MAP3K2: variants seen among roughly 807,000 people sequenced by gnomAD.
MAP3K2 encodes the protein mitogen-activated protein kinase kinase kinase 2.
Under a neutral mutation model 80.3 loss-of-function variants are expected in MAP3K2, and 24 were observed. The observed-to-expected ratio is 0.30, with a 90% CI of 0.22 to 0.42. The LOEUF is 0.42. MAP3K2 is among the 10% of genes least tolerant of loss of function. The pLI, the probability that MAP3K2 is intolerant of heterozygous loss-of-function variation, is 1.00. For missense variants in MAP3K2, 608 were observed against 750.1 expected (o/e 0.81, Z 2.21); for synonymous variants, 244 against 253.7 (o/e 0.96, Z 0.36).
chr2:127,320,399 A>G (rs1442417344), intron 12 of MAP3K2, among the ~76,000 whole-genome samples: 1 of 152,168 alleles, frequency 6.6e-6, no homozygotes, highest in African/African-American at 2.4e-5. Context: ...GGAAAGAATC[A>G]GTGAACCTGA....
At chr2:127,352,738 T>TCTGATGC (rs1270795646) in intron 1 of MAP3K2, among the ~76,000 whole-genome samples, 28 of 143,862 alleles carry the variant, frequency 1.9e-4, no homozygotes, top group Non-Finnish European at 2.3e-4. Context: ...ACGGTCTCCC[T>TCTGATGC]CTGATGCCGA....
At chr2:127,382,112 G>C (rs1205647565) in intron 1 of MAP3K2, among the ~76,000 whole-genome samples, 1 of 152,118 alleles carries the variant, frequency 6.6e-6, no homozygotes, top group Non-Finnish European at 1.5e-5. Flanking sequence ...GATTTGGTGG[G>C]GATGGGTGTA....
At position 127,305,789 on chromosome 2, in the gene MAP3K2, A is replaced by G. The variant is rs539528790; in HGVS notation, c.*1790T>C. 2.6e-5 allele frequency: 4 copies of G among 152,262 alleles called. No individual in the cohort carries two copies. The highest frequency in any genetic ancestry group is 9.6e-5 in the African/African-American group (4 of 41,570). 9.4% of individuals were successfully genotyped at this position (152,262 alleles called of 1,614,324 possible). ...TATCTTCATGTTTTATAGTAGCACA[A>G]TTCTATTAGAGATAGTGGGGCCTTT... On this transcript the variant is annotated 3_prime_UTR_variant, in exon 17 of 17. Coordinates refer to ENST00000682094, the MANE Select transcript of MAP3K2 (RefSeq NM_001371910.2).
At position 127,339,152 on chromosome 2, in the gene MAP3K2, G is replaced by C. The variant is rs1477277611; in HGVS notation, c.5-102C>G. The C allele has an allele frequency of 2.8e-6, 2 of 706,490 alleles. No homozygotes were observed. Among genetic ancestry groups the C allele is most frequent in the Non-Finnish European group, 4.7e-6 (2 of 422,994 alleles). The allele number at this position is 706,490 out of a possible 1,614,324, so 43.8% of individuals were successfully genotyped here. A position where few individuals can be genotyped will look rare whatever the true frequency, so the allele number is the denominator to read the frequency against. ...AAAATTTAAAATAAAATTTGATGTAGAGAATGTATTAATGCAAAAATGCAT... is the reference window on the plus strand; with the variant it reads ...AAAATTTAAAATAAAATTTGATGTACAGAATGTATTAATGCAAAAATGCAT... On this transcript the variant is annotated intron_variant, in intron 2 of 16. Coordinates refer to ENST00000682094, the MANE Select transcript of MAP3K2 (RefSeq NM_001371910.2). This position sits in a 1 kb window ranked among gnomAD's most constrained non-coding sequence, Gnocchi z 4.2.
chr2:127,351,312 C>T (rs1385011453), intron 1 of MAP3K2, among the ~76,000 whole-genome samples: 2 of 152,018 alleles, frequency 1.3e-5, no homozygotes, highest in East Asian at 1.9e-4. Context: ...TTATTGATAG[C>T]AATTACAAAC....
intron 1 of MAP3K2, among the ~76,000 whole-genome samples, chr2:127,378,360 A>C (rs1687184746): frequency 6.6e-6 from 1 of 152,224 alleles, no homozygotes; most frequent in East Asian, 1.9e-4. Context: ...AACATCCTTA[A>C]CAAACTAATT....
intron 1 of MAP3K2, among the ~76,000 whole-genome samples, chr2:127,366,430 A>G (rs190947194): frequency 1.5e-3 from 230 of 151,942 alleles, no homozygotes; most frequent in African/African-American, 5.5e-3. Flanking sequence ...AAGAATACTC[A>G]GAGGATACGT....
chr2:127,341,771 A>T lies in MAP3K2; in HGVS notation c.4+1355T>A, dbSNP rs542730026. ...ATGGTCTCAATCTCCTGACCTCGTG[A>T]TCCACCCGACTCGGCCTCCCAAAGT... On this transcript the variant is annotated intron_variant, in intron 2 of 16. Coordinates refer to ENST00000682094, the MANE Select transcript of MAP3K2 (RefSeq NM_001371910.2). 8.6e-5 allele frequency among the ~76,000 whole-genome samples: 13 copies of T among 151,880 alleles called. No individual in the cohort carries two copies. The East Asian group carries it at 2.5e-3, about 30-fold the overall frequency.
intron 1 of MAP3K2, among the ~76,000 whole-genome samples, chr2:127,387,169 G>A (rs1160763477): frequency 1.3e-5 from 2 of 152,120 alleles, no homozygotes; most frequent in African/African-American, 2.4e-5. Context: ...CCCAAGACCA[G>A]ATGCAACCTT....
At chr2:127,359,944 G>A (rs886163976) in intron 1 of MAP3K2, among the ~76,000 whole-genome samples, 2 of 152,096 alleles carry the variant, frequency 1.3e-5, no homozygotes, top group African/African-American at 4.8e-5. Flanking sequence ...CTAGTCTTGG[G>A]TATTTCTTTA....
chr2:127,375,100 G>A (rs147758375), intron 1 of MAP3K2, among the ~76,000 whole-genome samples: 2 of 152,208 alleles, frequency 1.3e-5, no homozygotes, highest in Admixed American at 1.3e-4. Flanking sequence ...TGTATGGTAT[G>A]GTCCAAATGA....
chr2:127,343,198 A>AG lies in MAP3K2; in HGVS notation c.-65-5dup, dbSNP rs1330287235. On this transcript the variant is annotated splice_polypyrimidine_tract_variant and splice_region_variant and intron_variant, in intron 1 of 16. Transcript: ENST00000682094. ...TCCCATCAGCATTCTTTATGGCCTG[A>AG]GAAGATAAAACAGATCAGCATATTA... 11 of 1,227,176 alleles carry AG rather than the reference A, an allele frequency of 9.0e-6. No homozygotes were observed. In the Admixed American group the frequency reaches 2.4e-4, roughly 26 times the overall value. The allele number at this position is 1,227,176 out of a possible 1,614,324, so 76.0% of individuals were successfully genotyped here. A position where few individuals can be genotyped will look rare whatever the true frequency, so the allele number is the denominator to read the frequency against.
chr2:127,350,237 T>C (rs991649226), intron 1 of MAP3K2, among the ~76,000 whole-genome samples: 1 of 152,120 alleles, frequency 6.6e-6, no homozygotes, highest in African/African-American at 2.4e-5. Context: ...TTGAAGGGGA[T>C]TCCACTTATC....
chr2:127,332,791 A>G (rs1322265511), intron 5 of MAP3K2, among the ~76,000 whole-genome samples: 1 of 152,126 alleles, frequency 6.6e-6, no homozygotes, highest in Non-Finnish European at 1.5e-5. Context: ...AAAGAACTGA[A>G]TTATCTTCCT....
At chr2:127,388,214 C>G (rs370403120), upstream of MAP3K2, 347 of 984,978 alleles carry the variant, frequency 3.5e-4, 2 homozygotes, top group East Asian at 0.024. Flanking sequence ...CCCGGGGCAG[C>G]CTGTGCTGTT....
At chr2:127,347,197 C>T (rs1206044835) in intron 1 of MAP3K2, among the ~76,000 whole-genome samples, 1 of 152,020 alleles carries the variant, frequency 6.6e-6, no homozygotes, top group African/African-American at 2.4e-5. Flanking sequence ...GATGTCCACT[C>T]TTGCCACACA....
At chr2:127,337,853 T>C (rs1686403123) in intron 3 of MAP3K2, 75 bp from the exon 4 acceptor site, 1 of 899,374 alleles carries the variant, frequency 1.1e-6, no homozygotes, top group Non-Finnish European at 1.7e-6. Flanking sequence ...TTCTACAATT[T>C]CTAAATGATT....
chr2:127,384,374 G>A (rs909995535), intron 1 of MAP3K2, among the ~76,000 whole-genome samples: 1 of 152,128 alleles, frequency 6.6e-6, no homozygotes, highest in Non-Finnish European at 1.5e-5. Context: ...ACAGTGATCA[G>A]ATTCTTCTGA....
rs1350397054 is a variant in MAP3K2, at chr2:127,322,880, C to G, written c.839-628G>C. On this transcript the variant is annotated intron_variant, in intron 11 of 16. Transcript: ENST00000682094. This position sits in a 1 kb window ranked among gnomAD's most constrained non-coding sequence, Gnocchi z 4.2. ...AAAGTGCTGGGATTACAGGCATGAG[C>G]CACCGCACCTGGCCAGTAATTTTTT... 1.3e-5 allele frequency among the ~76,000 whole-genome samples: 2 copies of G among 150,784 alleles called. No individual in the cohort carries two copies. The highest frequency in any genetic ancestry group is 3.0e-5 in the Non-Finnish European group (2 of 67,600).
Sources: gnomAD v4.1 joint callset for allele counts (sites outside exome capture counted in the v4.1 genomes callset) on GRCh38, gnomAD v4.1.1 for gene constraint, Gnocchi (gnomAD v3.1) non-coding constraint, MANE v1.5 for transcripts, NCBI Gene and HGNC (gene_info 2026-07-23, HGNC 2026-07-21) for gene names.